The following ELMO1 variants were observed in gnomAD, a reference collection of about 807,000 sequenced individuals.
ELMO1 encodes the protein engulfment and cell motility protein 1.
ELMO1 carries 26 observed loss-of-function variants against 98.9 expected under a neutral mutation model. The ratio of observed to expected loss-of-function variants is 0.26; its 90% CI spans 0.19 to 0.36. The LOEUF (loss-of-function observed/expected upper bound fraction) is 0.36, where lower values mean the gene tolerates loss of function less well. Among genes scored for constraint, ELMO1 ranks in the 10% least tolerant of loss-of-function variants. ELMO1 has a pLI of 1.00. For synonymous variants in ELMO1, 346 were observed against 346.0 expected (o/e 1.00, Z 0.00); for missense variants, 627 against 935.2 (o/e 0.67, Z 4.30).
At position 37,342,348 on chromosome 7, in the gene ELMO1, C is replaced by G. The variant is rs1016169350; in HGVS notation, c.78+265G>C. The stretch of plus-strand genomic sequence containing the variant: ...TCCACTGTGTCAACTGCCCAGGGCC[C>G]GATCCACTTGTCCCTCCCACCTCCT... On this transcript the variant is annotated intron_variant, in intron 2 of 21. Coordinates refer to ENST00000310758, the MANE Select transcript of ELMO1 (RefSeq NM_014800.11). The surrounding 1 kb of genome is among the most constrained non-coding windows in gnomAD (Gnocchi z 4.3). Among the ~76,000 whole-genome samples the G allele has an allele frequency of 6.6e-6, 1 of 152,190 alleles. No homozygotes were observed. The highest frequency in any genetic ancestry group is 6.5e-5 in the Admixed American group (1 of 15,284).
chr7:37,025,746 T>C (rs941012870), intron 15 of ELMO1, among the ~76,000 whole-genome samples: 1 of 151,974 alleles, frequency 6.6e-6, no homozygotes, highest in Non-Finnish European at 1.5e-5. Context: ...TGGCAGTTTG[T>C]AGAACTTCTC....
At chr7:37,014,205 C>T (rs562584288) in intron 15 of ELMO1, among the ~76,000 whole-genome samples, 2 of 152,240 alleles carry the variant, frequency 1.3e-5, no homozygotes, top group Non-Finnish European at 2.9e-5. Context: ...CTCCCATCAT[C>T]CCATCTGTCA....
intron 14 of ELMO1, among the ~76,000 whole-genome samples, chr7:37,099,338 T>G (rs1206987352): frequency 3.9e-5 from 6 of 152,252 alleles, no homozygotes; most frequent in Admixed American, 1.3e-4. Flanking sequence ...ATTACTATAG[T>G]GAGAGATAAT....
At chr7:37,301,291 GC>G (rs748431396) in intron 4 of ELMO1, among the ~76,000 whole-genome samples, 4 of 149,812 alleles carry the variant, frequency 2.7e-5, no homozygotes, top group Non-Finnish European at 4.4e-5. Context: ...AGAAAAATAA[GC>G]ATTAGGGAGC....
At chr7:37,418,756 G>C (rs1804343019) in intron 1 of ELMO1, among the ~76,000 whole-genome samples, 1 of 152,188 alleles carries the variant, frequency 6.6e-6, no homozygotes, top group African/African-American at 2.4e-5. Context: ...CAGAATCACA[G>C]AAGTCATCTC....
chr7:37,078,906 T>C lies in ELMO1; in HGVS notation c.1300+17713A>G, dbSNP rs1440473996. 2.0e-5 allele frequency among the ~76,000 whole-genome samples: 3 copies of C among 152,134 alleles called. No homozygotes were observed. The South Asian group carries it at 6.2e-4, about 32-fold the overall frequency. ...AATACACGCTTTAATCCTGTATTAA[T>C]GCCCAAAAAGCGTACAAAGGTATAT... On this transcript the variant is annotated intron_variant, in intron 15 of 21. Coordinates refer to ENST00000310758, the MANE Select transcript of ELMO1 (RefSeq NM_014800.11).
At chr7:37,291,939 T>C (rs13310234) in intron 4 of ELMO1, among the ~76,000 whole-genome samples, 40,283 of 63,820 alleles carry the variant, frequency 0.63, 11,327 homozygotes, top group Middle Eastern at 0.72. Context: ...TCCCCCTCCC[T>C]CTCCCTCTGC....
Position 37,168,846 on chromosome 7 carries a change from G to T in ELMO1, c.1087-35612C>A, listed in dbSNP as rs996204440. On this transcript the variant is annotated intron_variant, in intron 13 of 21. Transcript: ENST00000310758. ...TTCTCAGATCTCCAGCTGCGTGCTG[G>T]GAGAACCACTGCTCTCTTGAAAGCT... Among the ~76,000 whole-genome samples, 108 of 152,152 alleles carry T rather than the reference G, an allele frequency of 7.1e-4. 2 individuals carry two copies. The highest frequency in any genetic ancestry group is 2.5e-3 in the African/African-American group (103 of 41,432).
chr7:36,910,662 A>G (rs1420069977), intron 16 of ELMO1, among the ~76,000 whole-genome samples: 2 of 152,160 alleles, frequency 1.3e-5, no homozygotes, highest in African/African-American at 4.8e-5. Context: ...TTCCCAATAA[A>G]TGAGAGTGTA....
chr7:36,863,636 A>G (rs1407182524), intron 20 of ELMO1, among the ~76,000 whole-genome samples: 2 of 152,238 alleles, frequency 1.3e-5, no homozygotes, highest in East Asian at 1.9e-4. Context: ...GTATTTGGCC[A>G]TTCAGTAAGA....
chr7:36,867,156 T>C (rs939127308), intron 20 of ELMO1, among the ~76,000 whole-genome samples: 1 of 152,164 alleles, frequency 6.6e-6, no homozygotes, highest in Admixed American at 6.5e-5. Flanking sequence ...CTTATCTGTT[T>C]ACAGTGGCGT....
intron 2 of ELMO1, among the ~76,000 whole-genome samples, chr7:37,337,496 T>G (rs1167201321): frequency 6.7e-6 from 1 of 149,746 alleles, no homozygotes; most frequent in Non-Finnish European, 1.5e-5. Flanking sequence ...CCGCACGTTG[T>G]GCACATGTAC....
chr7:36,921,523 T>C (rs1242426768), intron 16 of ELMO1, among the ~76,000 whole-genome samples: 1 of 152,224 alleles, frequency 6.6e-6, no homozygotes, highest in Non-Finnish European at 1.5e-5. Flanking sequence ...GATGTTATTA[T>C]TATTGCTATT....
chr7:37,185,897 T>C (rs760798322), intron 13 of ELMO1, among the ~76,000 whole-genome samples: 9 of 152,230 alleles, frequency 5.9e-5, no homozygotes, highest in African/African-American at 1.2e-4. Flanking sequence ...TCCTCCTAAA[T>C]TGATCTACAG....
At chr7:37,223,684 G>T (rs747581599) in intron 9 of ELMO1, among the ~76,000 whole-genome samples, 2 of 152,082 alleles carry the variant, frequency 1.3e-5, no homozygotes, top group East Asian at 3.9e-4. Context: ...ATGTGAAACT[G>T]GTCTTATTTC....
chr7:37,402,690 A>T (rs1731983), intron 1 of ELMO1, among the ~76,000 whole-genome samples: 63,130 of 152,002 alleles, frequency 0.42, 13,881 homozygotes, highest in Non-Finnish European at 0.51. Context: ...ATATCCTTAT[A>T]CTAAAGGACA....
At chr7:37,368,726 C>T (rs992707338) in intron 1 of ELMO1, among the ~76,000 whole-genome samples, 5 of 152,206 alleles carry the variant, frequency 3.3e-5, no homozygotes, top group African/African-American at 1.2e-4. Context: ...ATGACCTTTG[C>T]TCACAGTGAA....
rs911454272 is a variant in ELMO1, at chr7:36,855,671, G to C, written c.2064C>G (p.Thr688=). Residue 688 remains threonine, a synonymous_variant, in exon 22 of 22, where the codon ACC becomes ACG. Transcript: ENST00000310758. This position sits in a 1 kb window ranked among gnomAD's most constrained non-coding sequence, Gnocchi z 4.2. ...GGAGCTTGATTTCCATGCTGAGCAGGGTGTCCAGGTCATTCCGCGTCAGGT... is the reference window on the plus strand; with the variant it reads ...GGAGCTTGATTTCCATGCTGAGCAGCGTGTCCAGGTCATTCCGCGTCAGGT... The part of the protein sequence containing the change: ...MSDLTRNDLD[T]LLSMEIKLRL... 6.2e-7 allele frequency: 1 copy of C among 1,614,008 alleles called. No individual in the cohort carries two copies. The highest frequency in any genetic ancestry group is 8.5e-7 in the Non-Finnish European group (1 of 1,180,012).
At chr7:36,941,922 G>A (rs1329420817) in intron 16 of ELMO1, among the ~76,000 whole-genome samples, 3 of 152,194 alleles carry the variant, frequency 2.0e-5, no homozygotes, top group Non-Finnish European at 4.4e-5. Context: ...GAAGTGGCAG[G>A]ACTTGAATTC....
Sources: gnomAD v4.1 joint callset for allele counts (sites outside exome capture counted in the v4.1 genomes callset) on GRCh38, gnomAD v4.1.1 for gene constraint, Gnocchi (gnomAD v3.1) non-coding constraint, MANE v1.5 for transcripts, NCBI Gene and HGNC (gene_info 2026-07-23, HGNC 2026-07-21) for gene names.